The following CCDC198 variants were observed in gnomAD, a reference collection of about 807,000 sequenced individuals.
The protein encoded by CCDC198 is factor associated with metabolism and energy.
A neutral mutation model predicts 35.6 loss-of-function variants in CCDC198; 18 were observed. That is an observed-to-expected ratio of 0.51 (90% CI 0.35 to 0.75). The LOEUF (loss-of-function observed/expected upper bound fraction) is 0.75. CCDC198 is among the 30% of genes least tolerant of loss of function. CCDC198 has a pLI of 0.01. For synonymous variants in CCDC198, 119 were observed against 113.4 expected, an observed-to-expected ratio of 1.05 and a Z score of -0.31; for missense variants, 365 against 343.7, an observed-to-expected ratio of 1.06 and a Z score of -0.49.
chr14:57,474,603 A>G lies in CCDC198; in HGVS notation c.656-3013T>C, dbSNP rs529111904. ...TTGTCACTCATAAAGTATTACATAC[A>G]TAGTTTTGTGTACACAGCATTAAAA... On this transcript the variant is annotated intron_variant, in intron 5 of 5. Coordinates refer to ENST00000216445, the MANE Select transcript of CCDC198 (RefSeq NM_018168.4). Among the ~76,000 whole-genome samples the G allele has an allele frequency of 3.9e-5, 6 of 152,374 alleles. No individual in the cohort carries two copies. In the East Asian group the frequency reaches 9.6e-4, roughly 24 times the overall value.
At chr14:57,484,357 C>T (rs978492837) in intron 2 of CCDC198, among the ~76,000 whole-genome samples, 6 of 152,042 alleles carry the variant, frequency 3.9e-5, no homozygotes, top group African/African-American at 1.2e-4. Flanking sequence ...GAGGTTGGGG[C>T]GATGGTTCTT....
In CCDC198 at chr14:57,493,628, G is replaced by A. The variant is rs755799407; in HGVS notation, c.88C>T (p.Arg30Cys). 1.5e-5 allele frequency: 24 copies of A among 1,613,754 alleles called. No homozygotes were observed. In the Middle Eastern group the frequency reaches 4.9e-4, roughly 33 times the overall value. Residue 30 changes from arginine (R) to cysteine (C), a missense_variant, in exon 1 of 6, where the codon CGT becomes TGT. By Grantham distance (180) the Arg-to-Cys change is radical. Coordinates refer to ENST00000216445, the MANE Select transcript of CCDC198 (RefSeq NM_018168.4). ...TTCTGATTGAATGCAAAGTCCACAC[G>A]GCCAGCCGAGGGAGTCTCTACCTCT... The part of the protein sequence containing the change: ...NKEVETPSAG[R>C]VDFAFNQNLE...
intron 2 of CCDC198, among the ~76,000 whole-genome samples, chr14:57,489,698 A>G (rs2067496036): frequency 6.6e-6 from 1 of 152,114 alleles, no homozygotes; most frequent in African/African-American, 2.4e-5. Flanking sequence ...GAGAAAATCA[A>G]AACCTAACCT....
rs770744199 is a variant in CCDC198 at position 57,471,373 on chromosome 14, C to T, written c.873G>A (p.Glu291=). The T allele has an allele frequency of 4.3e-6, 7 of 1,612,742 alleles. No homozygotes were observed. In the East Asian group the frequency reaches 1.6e-4, roughly 36 times the overall value. ...AGTATTCTTATTCTTGATCAAAAAA[C>T]TCATCGAAAAGTGGGATTCTCTCTG... is the stretch of plus-strand genomic sequence containing the variant. ...TRTERIPLFD[E]FFDQE The change falls in exon 6 of 6, where the codon GAG becomes GAA. Residue 291 remains glutamate, a synonymous_variant. Coordinates refer to ENST00000216445, the MANE Select transcript of CCDC198 (RefSeq NM_018168.4).
At chr14:57,492,760 A>T (rs1452256917) in intron 1 of CCDC198, among the ~76,000 whole-genome samples, 1 of 152,108 alleles carries the variant, frequency 6.6e-6, no homozygotes, top group Non-Finnish European at 1.5e-5. Context: ...AAGAAAAGGG[A>T]AAACAATATA....
chr14:57,491,955 A>C (rs565902483), intron 1 of CCDC198, among the ~76,000 whole-genome samples: 1 of 152,240 alleles, frequency 6.6e-6, no homozygotes, highest in South Asian at 2.1e-4. Context: ...TTTTAGTGGG[A>C]TGGAAACTAT....
chr14:57,480,903 GAAGGTATGGGAACTTTATTT>G, intron 4 of CCDC198, 149 bp from the exon 5 acceptor site: 1 of 751,750 alleles, frequency 1.3e-6, no homozygotes, highest in Non-Finnish European at 2.1e-6. Context: ...TTTCCTATTA[GAAGGTATGGGAACTTTATTT>G]ATTGACAGGC....
chr14:57,492,218 C>A (rs540396954), intron 1 of CCDC198, among the ~76,000 whole-genome samples: 2 of 151,912 alleles, frequency 1.3e-5, no homozygotes, highest in South Asian at 4.2e-4. Flanking sequence ...CAAGGTCATT[C>A]GATTTGGTAT....
Position 57,493,513 on chromosome 14 carries a change from C to T in CCDC198, c.203G>A (p.Trp68Ter), listed in dbSNP as rs760800498. 2 of 1,613,756 alleles carry T rather than the reference C, an allele frequency of 1.2e-6. No homozygotes were observed. The stretch of plus-strand genomic sequence containing the variant: ...TTTACCTGTAGAATATCTTCCATAC[C>T]AGTTTTCTTGTAAAGGTGGCAGCTG... ...EGQLPPLQEN[W>*]YGRYSTASRD... Residue 68 changes from tryptophan to a stop codon, truncating the protein, a stop_gained, in exon 1 of 6, where the codon TGG becomes TAG. Transcript: ENST00000216445. LOFTEE classifies it high-confidence loss of function.
In CCDC198 at chr14:57,479,345, T is replaced by C. The variant is rs369000161; in HGVS notation, c.655+1250A>G. Among the ~76,000 whole-genome samples the C allele has an allele frequency of 2.0e-4, 31 of 152,264 alleles. No homozygotes were observed. In the East Asian group the frequency reaches 4.4e-3, roughly 22 times the overall value. On this transcript the variant is annotated intron_variant, in intron 5 of 5. Coordinates refer to ENST00000216445, the MANE Select transcript of CCDC198 (RefSeq NM_018168.4). ...CTCAGGTTGTCCTCCCACCTCAGCC[T>C]TTTGAGTAGCTGGGACTACGGGCAT...
At chr14:57,492,269 T>G (rs2067597746) in intron 1 of CCDC198, among the ~76,000 whole-genome samples, 2 of 152,012 alleles carry the variant, frequency 1.3e-5, no homozygotes, top group African/African-American at 4.8e-5. Context: ...TCATGAGGAT[T>G]CTCATGATCT....
At chr14:57,474,881 C>G (rs2139467646) in intron 5 of CCDC198, among the ~76,000 whole-genome samples, 1 of 152,316 alleles carries the variant, frequency 6.6e-6, no homozygotes, top group Admixed American at 6.5e-5. Flanking sequence ...AGCATGAAAA[C>G]TGTTTGATGG....
intron 1 of CCDC198, among the ~76,000 whole-genome samples, 197 bp from the exon 2 acceptor site, chr14:57,491,268 C>A (rs2067558675): frequency 6.6e-6 from 1 of 152,038 alleles, no homozygotes; most frequent in Admixed American, 6.6e-5. Context: ...CTATTTTAGT[C>A]TGGACCCAGG....
intron 2 of CCDC198, among the ~76,000 whole-genome samples, chr14:57,488,875 A>T (rs1272564840): frequency 1.3e-5 from 2 of 152,116 alleles, no homozygotes; most frequent in East Asian, 3.9e-4. Flanking sequence ...AAAAAACAAC[A>T]GATGCTGGAG....
chr14:57,475,649 G>A (rs1276710692), intron 5 of CCDC198: 2 of 405,712 alleles, frequency 4.9e-6, no homozygotes, highest in Non-Finnish European at 9.6e-6. Context: ...GAAGTTTGCG[G>A]TGAGCCGAGA....
chr14:57,481,689 G>T, intron 3 of CCDC198, 29 bp from the exon 4 acceptor site: 1 of 1,406,174 alleles, frequency 7.1e-7, no homozygotes. Context: ...TTGTTAGTAT[G>T]GGGTAATTTG....
intron 3 of CCDC198, 65 bp from the exon 4 acceptor site, chr14:57,481,725 T>C (rs1425945232): frequency 8.8e-6 from 9 of 1,025,964 alleles, no homozygotes; most frequent in Non-Finnish European, 1.3e-5. Flanking sequence ...TTCACAAGTT[T>C]AGATCCTTTT....
intron 5 of CCDC198, chr14:57,478,794 C>G (rs1381770289): frequency 2.7e-6 from 3 of 1,105,304 alleles, no homozygotes; most frequent in African/African-American, 3.2e-5. Flanking sequence ...AATTATTCAG[C>G]CTTTTCTTAT....
intron 2 of CCDC198, among the ~76,000 whole-genome samples, chr14:57,490,279 T>G (rs2067518637): frequency 6.6e-6 from 1 of 152,162 alleles, no homozygotes; most frequent in Non-Finnish European, 1.5e-5. Flanking sequence ...CCCATTCCCT[T>G]TCTAGGTTGA....
Sources: allele counts gnomAD v4.1 joint callset (sites outside exome capture counted in the v4.1 genomes callset), GRCh38; gene constraint gnomAD v4.1.1; transcripts MANE v1.5; gene names NCBI Gene and HGNC (gene_info 2026-07-23, HGNC 2026-07-21).